NTM: variants seen among roughly 807,000 people sequenced by gnomAD.
The protein encoded by NTM is IgLON family member 2.
NTM carries 13 observed loss-of-function variants against 42.1 expected under a neutral mutation model. The observed-to-expected ratio is 0.31, with a 90% CI of 0.20 to 0.49. NTM has a LOEUF of 0.49. NTM is among the 20% of genes least tolerant of loss of function. The probability of loss-of-function intolerance (pLI) is 0.99; values close to 1 mark genes in which losing one functional copy is unlikely to be tolerated. For missense variants in NTM, 373 were observed against 452.8 expected (o/e 0.82, Z 1.60); for synonymous variants, 187 against 179.2 (o/e 1.04, Z -0.35).
chr11:131,663,161 C>T (rs545253547), intron 1 of NTM: 1 of 152,308 alleles, frequency 6.6e-6, no homozygotes, highest in South Asian at 2.1e-4. Context: ...TACATGCATA[C>T]TCACAGAGCT....
intron 1 of NTM, among the ~76,000 whole-genome samples, chr11:131,901,533 A>G (rs1442839216): frequency 6.6e-6 from 1 of 152,152 alleles, no homozygotes; most frequent in African/African-American, 2.4e-5. Context: ...TGGTAAAAAT[A>G]TTAAATTTGA....
intron 1 of NTM, among the ~76,000 whole-genome samples, chr11:131,375,082 C>A (rs1006749770): frequency 1.3e-5 from 2 of 152,220 alleles, no homozygotes; most frequent in Non-Finnish European, 2.9e-5. Context: ...TATGCGTGGT[C>A]TCCAGGTTTC....
chr11:131,977,272 T>C (rs1247436395), intron 2 of NTM, among the ~76,000 whole-genome samples: 1 of 152,254 alleles, frequency 6.6e-6, no homozygotes, highest in Non-Finnish European at 1.5e-5. Flanking sequence ...TTTTACATTA[T>C]ATGCCTTCAG....
chr11:131,724,244 G>A (rs371245190), intron 1 of NTM, among the ~76,000 whole-genome samples: 12 of 152,142 alleles, frequency 7.9e-5, no homozygotes, highest in African/African-American at 9.7e-5. Flanking sequence ...TGTCTGATAC[G>A]TAGCTGGAGG....
At chr11:132,048,618 T>C (rs1317049547) in intron 2 of NTM, among the ~76,000 whole-genome samples, 4 of 152,110 alleles carry the variant, frequency 2.6e-5, no homozygotes, top group Non-Finnish European at 5.9e-5. Flanking sequence ...ACGGTTGATG[T>C]TTGTGTCAAG....
At chr11:131,631,357 C>A (rs1288863773) in intron 1 of NTM, among the ~76,000 whole-genome samples, 1 of 152,194 alleles carries the variant, frequency 6.6e-6, no homozygotes, top group Non-Finnish European at 1.5e-5. Flanking sequence ...TTCAATCAAC[C>A]TAACTTGTCA....
intron 1 of NTM, among the ~76,000 whole-genome samples, chr11:131,490,826 C>T (rs1954697091): frequency 1.3e-5 from 2 of 152,290 alleles, no homozygotes; most frequent in South Asian, 2.1e-4. Context: ...TTGGGATTCA[C>T]CTGAGAGAAA....
intron 1 of NTM, among the ~76,000 whole-genome samples, chr11:131,504,894 G>T (rs957931690): frequency 6.6e-6 from 1 of 152,088 alleles, no homozygotes. Flanking sequence ...GGCAATTGGC[G>T]GTCATGTCTC....
chr11:131,586,393 A>G (rs538280793), intron 1 of NTM, among the ~76,000 whole-genome samples: 1 of 152,314 alleles, frequency 6.6e-6, no homozygotes, highest in African/African-American at 2.4e-5. Context: ...CAAAAAGCCC[A>G]TGGATTTCCT....
intron 1 of NTM, among the ~76,000 whole-genome samples, chr11:131,798,925 A>G (rs2091864038): frequency 6.6e-6 from 1 of 152,210 alleles, no homozygotes; most frequent in Non-Finnish European, 1.5e-5. Context: ...GCTATGGTCC[A>G]TGACAGGAGA....
chr11:131,755,000 A>G (rs895571687), intron 1 of NTM, among the ~76,000 whole-genome samples: 4 of 152,172 alleles, frequency 2.6e-5, no homozygotes, highest in African/African-American at 9.7e-5. Context: ...AAACTAATCT[A>G]AAGTGACAGA....
intron 1 of NTM, among the ~76,000 whole-genome samples, chr11:131,673,897 C>T (rs2739271): frequency 0.033 from 5,064 of 152,306 alleles, 125 homozygotes; most frequent in Non-Finnish European, 0.052. Context: ...TCCACTCCCC[C>T]GTCTGTTGGT....
chr11:132,190,945 T>G (rs548564944), intron 3 of NTM, among the ~76,000 whole-genome samples: 42 of 110,794 alleles, frequency 3.8e-4, no homozygotes, highest in South Asian at 9.2e-4. Context: ...ATATTATTTG[T>G]TTTTTTTTGT....
intron 2 of NTM, among the ~76,000 whole-genome samples, chr11:132,051,579 C>T (rs1438892303): frequency 1.3e-5 from 2 of 152,128 alleles, no homozygotes; most frequent in Non-Finnish European, 2.9e-5. Flanking sequence ...TCCAGTCCCC[C>T]AGGCTCCGAC....
Position 131,541,841 on chromosome 11 carries a change from C to G in NTM, c.82+170953C>G, listed in dbSNP as rs191855144. ...AGGTAAAAACTAGTTGCTCAATTAG[C>G]GTCATTTCCTCTCTCCCCTACTTCC... is the stretch of plus-strand genomic sequence containing the variant. On this transcript the variant is annotated intron_variant, in intron 1 of 8. Coordinates refer to ENST00000683400, the MANE Select transcript of NTM (RefSeq NM_001352005.2). Among the ~76,000 whole-genome samples, 143 of 152,302 alleles carry G rather than the reference C, an allele frequency of 9.4e-4. 1 individual carries two copies. Among genetic ancestry groups the G allele is most frequent in the Admixed American group, 8.3e-3 (127 of 15,294 alleles).
chr11:131,858,888 C>A (rs746934001), intron 1 of NTM, among the ~76,000 whole-genome samples: 9 of 152,212 alleles, frequency 5.9e-5, no homozygotes, highest in Non-Finnish European at 1.2e-4. Context: ...CCTGCTTCTA[C>A]AGAGGGCAGC....
intron 1 of NTM, among the ~76,000 whole-genome samples, chr11:131,833,094 T>C (rs1565608467): frequency 2.6e-5 from 4 of 152,206 alleles, no homozygotes; most frequent in Admixed American, 6.5e-5. Context: ...GTGTATCCTA[T>C]TGGATGTATT....
At chr11:132,260,344 G>A (rs1804619774) in intron 4 of NTM, among the ~76,000 whole-genome samples, 1 of 151,916 alleles carries the variant, frequency 6.6e-6, no homozygotes, top group Non-Finnish European at 1.5e-5. Context: ...GCAAAAGTAA[G>A]GTTTCCAGAC....
intron 2 of NTM, among the ~76,000 whole-genome samples, chr11:132,031,830 G>A (rs531669436): frequency 1.3e-5 from 2 of 152,228 alleles, no homozygotes; most frequent in Non-Finnish European, 2.9e-5. Flanking sequence ...GAGAGAGCAT[G>A]ATTTATATAA....
Sources: allele counts gnomAD v4.1 joint callset (sites outside exome capture counted in the v4.1 genomes callset), GRCh38; gene constraint gnomAD v4.1.1; transcripts MANE v1.5; gene names NCBI Gene and HGNC (gene_info 2026-07-23, HGNC 2026-07-21).